ANKRD44: variants seen among roughly 807,000 people sequenced by gnomAD.
ANKRD44 encodes the protein serine/threonine-protein phosphatase 6 regulatory ankyrin repeat subunit B.
In ANKRD44, 35 loss-of-function variants were observed where a neutral mutation model predicts 116.0. That is an observed-to-expected ratio of 0.30 (90% CI 0.23 to 0.40). The LOEUF is 0.40. Among genes scored for constraint, ANKRD44 ranks in the 10% least tolerant of loss-of-function variants. ANKRD44 has a pLI of 1.00. For synonymous variants in ANKRD44, 435 were observed against 461.8 expected (o/e 0.94, Z 0.74); for missense variants, 1,014 against 1,242.6 (o/e 0.82, Z 2.77).
chr2:196,984,215 C>T (rs978815270), downstream of ANKRD44, among the ~76,000 whole-genome samples: 9 of 152,112 alleles, frequency 5.9e-5, no homozygotes, highest in African/African-American at 1.7e-4. Context: ...TTCTAAGTGG[C>T]GCAGTTATTC....
At chr2:197,168,700 C>T (rs528371217) in intron 2 of ANKRD44, among the ~76,000 whole-genome samples, 33 of 152,290 alleles carry the variant, frequency 2.2e-4, no homozygotes, top group Middle Eastern at 3.4e-3. Flanking sequence ...GCTCTCTCTT[C>T]CTTGCCCCTC....
In ANKRD44 at chr2:197,065,841, G is replaced by A. The variant is rs1370962193; in HGVS notation, c.1650+12862C>T. On this transcript the variant is annotated intron_variant, in intron 16 of 27. Coordinates refer to ENST00000282272, the MANE Select transcript of ANKRD44 (RefSeq NM_001195144.2). ...AAGTCCAGGACCAGATGGATTCACAGCTGAATTCTACCAGAGGTACAAGGA... is the reference window on the plus strand; with the variant it reads ...AAGTCCAGGACCAGATGGATTCACAACTGAATTCTACCAGAGGTACAAGGA... Among the ~76,000 whole-genome samples the A allele has an allele frequency of 3.9e-5, 6 of 152,324 alleles. No homozygotes were observed. The Middle Eastern group carries it at 0.014, about 345-fold the overall frequency.
intron 13 of ANKRD44, among the ~76,000 whole-genome samples, chr2:197,085,827 T>C (rs1424243269): frequency 6.6e-6 from 1 of 152,184 alleles, no homozygotes; most frequent in Non-Finnish European, 1.5e-5. Flanking sequence ...CTTTACTCTA[T>C]GGACTCGCCC....
Position 197,264,102 on chromosome 2 carries a change from A to G in ANKRD44, c.27+46476T>C, listed in dbSNP as rs139068903. 2.6e-3 allele frequency among the ~76,000 whole-genome samples: 396 copies of G among 152,324 alleles called. 1 individual carries two copies. Among genetic ancestry groups the G allele is most frequent in the African/African-American group, 8.4e-3 (350 of 41,562 alleles). On this transcript the variant is annotated intron_variant, in intron 1 of 27. Transcript: ENST00000282272. ...AGATCATGTTTCTTATTTTAAAAAG[A>G]AAAGAAAAAGGAAAAGGAAAAGAAA...
rs766048697 is a variant in ANKRD44 at position 197,125,410 on chromosome 2, C to T, written c.521G>A (p.Arg174Gln). ...ANINAFDKKD[R>Q]RALHWAAYMG... ...GTATGCTGCCCAGTGCAGAGCACGC[C>T]GGTCCTTCTTGTCAAATGCATTGAT... The change falls in exon 6 of 28, where the codon CGG becomes CAG. Residue 174 changes from arginine (R) to glutamine (Q), a missense_variant. Transcript: ENST00000282272. The T allele has an allele frequency of 1.5e-5, 25 of 1,614,040 alleles. No individual in the cohort carries two copies. Among genetic ancestry groups the T allele is most frequent in the South Asian group, 6.6e-5 (6 of 91,086 alleles).
At chr2:197,129,395 A>G (rs1359598137) in intron 4 of ANKRD44, among the ~76,000 whole-genome samples, 1 of 152,152 alleles carries the variant, frequency 6.6e-6, no homozygotes, top group Non-Finnish European at 1.5e-5. Context: ...TCAGCCTCCC[A>G]AAGTGCTGGG....
In ANKRD44 at chr2:197,187,597, CG is replaced by C. The variant is rs61022940; in HGVS notation, c.28-492del. 2.2e-3 allele frequency among the ~76,000 whole-genome samples: 331 copies of C among 151,912 alleles called. 1 individual carries two copies. The highest frequency in any genetic ancestry group is 7.2e-3 in the African/African-American group (300 of 41,426). On this transcript the variant is annotated intron_variant, in intron 1 of 27. Transcript: ENST00000282272. ...GGGTGTGGCCCTGATCCAATAGGAC[CG>C]GTGTCTTCATAAGAAGAGGAAGAGA...
chr2:197,106,274 T>G (rs138796413), intron 9 of ANKRD44, among the ~76,000 whole-genome samples: 12 of 151,914 alleles, frequency 7.9e-5, no homozygotes, highest in African/African-American at 2.9e-4. Context: ...AAACCCCATC[T>G]CTACTAAAAA....
intron 16 of ANKRD44, among the ~76,000 whole-genome samples, chr2:197,039,647 T>C (rs2076869783): frequency 6.6e-6 from 1 of 151,262 alleles, no homozygotes; most frequent in African/African-American, 2.4e-5. Flanking sequence ...GATTCCTGCA[T>C]TACATGTGTG....
At chr2:197,040,620 G>A (rs529079630) in intron 16 of ANKRD44, among the ~76,000 whole-genome samples, 5 of 151,950 alleles carry the variant, frequency 3.3e-5, no homozygotes, top group Non-Finnish European at 7.4e-5. Flanking sequence ...CAAGTGATCT[G>A]CCCTCCTTGG....
At chr2:197,059,167 G>A (rs926697369) in intron 16 of ANKRD44, among the ~76,000 whole-genome samples, 1 of 152,146 alleles carries the variant, frequency 6.6e-6, no homozygotes. Context: ...GGAAGGGCAT[G>A]TAGCAGCTGA....
At chr2:197,286,424 A>G (rs12616484) in intron 1 of ANKRD44, among the ~76,000 whole-genome samples, 31,343 of 150,412 alleles carry the variant, frequency 0.21, 3,469 homozygotes, top group Middle Eastern at 0.3. Flanking sequence ...ACCCAGGCTG[A>G]AGTGCAGTAG....
At chr2:197,276,038 G>T (rs186249996) in intron 1 of ANKRD44, among the ~76,000 whole-genome samples, 62 of 152,216 alleles carry the variant, frequency 4.1e-4, no homozygotes, top group African/African-American at 1.5e-3. Flanking sequence ...CACTTTGGGA[G>T]GCCAAGGTGG....
chr2:197,010,478 G>T (rs1359912830), intron 18 of ANKRD44, among the ~76,000 whole-genome samples: 1 of 152,170 alleles, frequency 6.6e-6, no homozygotes, highest in Non-Finnish European at 1.5e-5. Flanking sequence ...CCCCATGCGG[G>T]GCAGGCCTGG....
chr2:197,049,120 T>C (rs1022139947), intron 16 of ANKRD44, among the ~76,000 whole-genome samples: 1 of 152,154 alleles, frequency 6.6e-6, no homozygotes, highest in Non-Finnish European at 1.5e-5. Context: ...TTTTCTCCCA[T>C]TCTGTAGGTT....
intron 25 of ANKRD44, among the ~76,000 whole-genome samples, chr2:196,997,142 T>A (rs544587526): frequency 6.6e-6 from 1 of 151,910 alleles, no homozygotes; most frequent in South Asian, 2.1e-4. Context: ...ACATGTATAA[T>A]ACAAATATTC....
At chr2:197,143,193 TA>T (rs1265904045) in intron 3 of ANKRD44, among the ~76,000 whole-genome samples, 5 of 149,436 alleles carry the variant, frequency 3.3e-5, no homozygotes, top group South Asian at 2.1e-4. Flanking sequence ...ATTTTTTATT[TA>T]TTTTTTTATT....
chr2:197,306,770 C>G (rs536480604), intron 1 of ANKRD44, among the ~76,000 whole-genome samples: 1 of 152,282 alleles, frequency 6.6e-6, no homozygotes, highest in South Asian at 2.1e-4. Flanking sequence ...GCCACCGCTG[C>G]CAGCCACTGC....
At chr2:197,112,149 A>G (rs959738810) in intron 8 of ANKRD44, among the ~76,000 whole-genome samples, 1 of 152,310 alleles carries the variant, frequency 6.6e-6, no homozygotes, top group East Asian at 1.9e-4. Flanking sequence ...AATAGAGAGA[A>G]TGTATTTTCA....
Sources: allele counts gnomAD v4.1 joint callset (sites outside exome capture counted in the v4.1 genomes callset), GRCh38; gene constraint gnomAD v4.1.1; transcripts MANE v1.5; gene names NCBI Gene and HGNC (gene_info 2026-07-23, HGNC 2026-07-21).